The following CTNNA3 variants were observed in gnomAD, a reference collection of about 807,000 sequenced individuals.
The protein encoded by CTNNA3 is catenin alpha 3, also known as catenin alpha-3.
CTNNA3 carries 76 observed loss-of-function variants against 95.7 expected under a neutral mutation model. The observed-to-expected ratio is 0.79, with a 90% CI of 0.66 to 0.96. The LOEUF (loss-of-function observed/expected upper bound fraction) is 0.96. Among genes scored for constraint, CTNNA3 ranks in the 40% least tolerant of loss-of-function variants. The pLI is 0.00. For missense variants in CTNNA3, 1,191 were observed against 1,089.8 expected, an observed-to-expected ratio of 1.09 and a Z score of -1.31; for synonymous variants, 431 against 374.4, an observed-to-expected ratio of 1.15 and a Z score of -1.74.
At chr10:66,213,595 A>G (rs2088315556) in intron 13 of CTNNA3, among the ~76,000 whole-genome samples, 1 of 152,162 alleles carries the variant, frequency 6.6e-6, no homozygotes, top group African/African-American at 2.4e-5. Context: ...GAAATATTGA[A>G]ACCACCTTGC....
At chr10:67,262,276 T>C (rs1866648994) in intron 5 of CTNNA3, among the ~76,000 whole-genome samples, 1 of 152,200 alleles carries the variant, frequency 6.6e-6, no homozygotes, top group Non-Finnish European at 1.5e-5. Flanking sequence ...TATTATCTGC[T>C]ATATCATAAA....
intron 5 of CTNNA3, among the ~76,000 whole-genome samples, chr10:67,388,315 G>A (rs1844289699): frequency 7.2e-6 from 1 of 139,474 alleles, no homozygotes; most frequent in Non-Finnish European, 1.5e-5. Context: ...TATCAGCAAT[G>A]GAAGATGAAA....
chr10:66,905,835 A>T (rs1026568154), intron 7 of CTNNA3, among the ~76,000 whole-genome samples: 1 of 152,118 alleles, frequency 6.6e-6, no homozygotes, highest in African/African-American at 2.4e-5. Flanking sequence ...TTGGGTGAGG[A>T]GGAAAGAGAA....
Position 66,318,276 on chromosome 10 carries a change from A to ATATATATATGTGTGTGTG in CTNNA3, c.1733-37656_1733-37655insCACACACACATATATATA, listed in dbSNP as rs33943741. On this transcript the variant is annotated intron_variant, in intron 12 of 17. Coordinates refer to ENST00000433211, the MANE Select transcript of CTNNA3 (RefSeq NM_013266.4). Reference sequence around the variant, plus strand: ...GTTGCTGGGAGATATATATATATATATGTGTGTGTGTGTGTGTGTGTGTGT... The same window carrying ATATATATATGTGTGTGTG: ...GTTGCTGGGAGATATATATATATATATATATATATGTGTGTGTGTGTGTGTGTGTGTGTGTGTGTGTGT... 2.2e-5 allele frequency among the ~76,000 whole-genome samples: 3 copies of ATATATATATGTGTGTGTG among 136,660 alleles called. No homozygotes were observed. The South Asian group carries it at 7.1e-4, about 33-fold the overall frequency. 89.7% of individuals were successfully genotyped at this position (136,660 alleles called of 152,430 possible). A position where few individuals can be genotyped will look rare whatever the true frequency, so the allele number is the denominator to read the frequency against.
chr10:65,990,028 G>C (rs990524487), intron 15 of CTNNA3, among the ~76,000 whole-genome samples: 1 of 144,844 alleles, frequency 6.9e-6, no homozygotes, highest in Non-Finnish European at 1.5e-5. Context: ...TGCTGTAAAT[G>C]TTAGGATTTA....
intron 13 of CTNNA3, among the ~76,000 whole-genome samples, chr10:66,137,318 A>G (rs962383266): frequency 6.6e-6 from 1 of 152,196 alleles, no homozygotes; most frequent in Non-Finnish European, 1.5e-5. Flanking sequence ...AGGAAAATCC[A>G]GAATGTTAGA....
intron 5 of CTNNA3, among the ~76,000 whole-genome samples, chr10:67,321,575 C>T (rs980271344): frequency 6.6e-6 from 1 of 152,166 alleles, no homozygotes; most frequent in Non-Finnish European, 1.5e-5. Context: ...TTTGACCATA[C>T]CATGTAGATT....
At chr10:66,487,422 C>G (rs1051953265) in intron 11 of CTNNA3, among the ~76,000 whole-genome samples, 5 of 151,606 alleles carry the variant, frequency 3.3e-5, no homozygotes, top group Admixed American at 1.3e-4. Flanking sequence ...AGGATGGTCT[C>G]GATCTCCTGA....
intron 5 of CTNNA3, among the ~76,000 whole-genome samples, chr10:67,394,178 TTTTC>T (rs912582904): frequency 2.0e-5 from 3 of 152,156 alleles, no homozygotes; most frequent in African/African-American, 7.2e-5. Flanking sequence ...GTTTACTTTA[TTTTC>T]TTTCTTCCCT....
chr10:67,728,285 C>T (rs1002670707), intron 1 of CTNNA3, among the ~76,000 whole-genome samples: 1 of 148,930 alleles, frequency 6.7e-6, no homozygotes, highest in Admixed American at 6.7e-5. Flanking sequence ...GAAACCCCAT[C>T]TCCACAAAAA....
At chr10:67,262,080 C>T (rs1564519689) in intron 5 of CTNNA3, among the ~76,000 whole-genome samples, 1 of 151,876 alleles carries the variant, frequency 6.6e-6, no homozygotes, top group African/African-American at 2.4e-5. Context: ...ATTGCTCAAT[C>T]TCATTCAATA....
intron 5 of CTNNA3, among the ~76,000 whole-genome samples, chr10:67,439,865 C>T (rs1846434547): frequency 6.6e-6 from 1 of 152,162 alleles, no homozygotes; most frequent in South Asian, 2.1e-4. Context: ...TTGGGTGAAA[C>T]TCTGAGACAT....
chr10:66,343,586 A>T (rs2092474991), intron 12 of CTNNA3, among the ~76,000 whole-genome samples: 1 of 151,948 alleles, frequency 6.6e-6, no homozygotes. Context: ...GGTCAGGGGA[A>T]GGGAGTGATA....
At chr10:66,227,379 T>TTG (rs2089357355) in intron 13 of CTNNA3, among the ~76,000 whole-genome samples, 2 of 99,304 alleles carry the variant, frequency 2.0e-5, no homozygotes, top group Admixed American at 1.2e-4. Flanking sequence ...AGAGGTGTTT[T>TTG]TTTTTTTTTC....
At chr10:66,614,500 C>T (rs1589498759) in intron 10 of CTNNA3, among the ~76,000 whole-genome samples, 2 of 151,872 alleles carry the variant, frequency 1.3e-5, no homozygotes, top group Non-Finnish European at 2.9e-5. Context: ...AGCCCAAATA[C>T]TTTGTTCTTT....
intron 8 of CTNNA3, among the ~76,000 whole-genome samples, chr10:66,774,298 C>T (rs887591943): frequency 2.0e-5 from 3 of 152,144 alleles, no homozygotes; most frequent in South Asian, 2.1e-4. Context: ...AGGGGAGGAT[C>T]GCTCTGAGGA....
intron 10 of CTNNA3, among the ~76,000 whole-genome samples, chr10:66,567,162 G>C (rs1305493049): frequency 6.7e-6 from 1 of 149,538 alleles, no homozygotes; most frequent in Non-Finnish European, 1.5e-5. Context: ...TATGAACAGG[G>C]AACTCACAGG....
chr10:67,108,763 A>G (rs1858777617), intron 7 of CTNNA3, among the ~76,000 whole-genome samples: 1 of 152,200 alleles, frequency 6.6e-6, no homozygotes, highest in African/African-American at 2.4e-5. Context: ...GTCTGTGGAT[A>G]TTATCATCTG....
intron 9 of CTNNA3, among the ~76,000 whole-genome samples, chr10:66,709,717 T>C (rs1429789727): frequency 6.6e-6 from 1 of 152,106 alleles, no homozygotes; most frequent in African/African-American, 2.4e-5. Context: ...TTTGTTCTTA[T>C]ACGTAGGTGA....
Sources: allele counts gnomAD v4.1 joint callset (sites outside exome capture counted in the v4.1 genomes callset), GRCh38; gene constraint gnomAD v4.1.1; transcripts MANE v1.5; gene names NCBI Gene and HGNC (gene_info 2026-07-23, HGNC 2026-07-21).